The following SLC24A2 variants were observed in gnomAD, a reference collection of about 807,000 sequenced individuals.
SLC24A2 encodes the protein solute carrier family 24 member 2, also known as sodium/potassium/calcium exchanger 2.
In SLC24A2, 36 loss-of-function variants were observed where a neutral mutation model predicts 62.0. That is an observed-to-expected ratio of 0.58 (90% CI 0.44 to 0.77). The LOEUF (loss-of-function observed/expected upper bound fraction) is 0.77. SLC24A2 is among the 30% of genes least tolerant of loss of function. The probability of loss-of-function intolerance (pLI) is 0.00; values close to 1 mark genes in which losing one functional copy is unlikely to be tolerated. For synonymous variants in SLC24A2, 358 were observed against 294.0 expected (o/e 1.22, Z -2.23); for missense variants, 846 against 817.9 (o/e 1.03, Z -0.42).
chr9:19,961,434 A>T, the SLC24A2 span, among the ~76,000 whole-genome samples: 1 of 152,082 alleles, frequency 6.6e-6, no homozygotes, highest in East Asian at 1.9e-4. Flanking sequence ...TTTCTTTCCA[A>T]TAAGTAGACT....
intron 2 of SLC24A2, among the ~76,000 whole-genome samples, chr9:19,695,701 A>C (rs1820171416): frequency 6.8e-6 from 1 of 147,000 alleles, no homozygotes. Flanking sequence ...AAAAAAAAAA[A>C]AACCTAGAAA....
chr9:19,520,674 G>A (rs1833153517), intron 10 of SLC24A2, among the ~76,000 whole-genome samples: 1 of 151,862 alleles, frequency 6.6e-6, no homozygotes, highest in Non-Finnish European at 1.5e-5. Context: ...GTAGGTATGT[G>A]CTTCTGCTTG....
the SLC24A2 span, among the ~76,000 whole-genome samples, chr9:19,912,581 C>T: frequency 6.6e-6 from 1 of 152,148 alleles, no homozygotes; most frequent in East Asian, 1.9e-4. Context: ...GGGACCCTCA[C>T]TTGGTCACAC....
the SLC24A2 span, among the ~76,000 whole-genome samples, chr9:20,007,294 G>A: frequency 6.6e-6 from 1 of 152,290 alleles, no homozygotes; most frequent in Admixed American, 6.5e-5. Context: ...GTGATCTCTT[G>A]GAAGTGGCTG....
intron 5 of SLC24A2, among the ~76,000 whole-genome samples, chr9:19,585,571 C>T (rs749287728): frequency 6.6e-6 from 1 of 152,180 alleles, no homozygotes; most frequent in African/African-American, 2.4e-5. Context: ...TTGCTCCTAG[C>T]CTTTCTTAGT....
At chr9:19,684,310 C>T (rs1819812361) in intron 2 of SLC24A2, among the ~76,000 whole-genome samples, 1 of 152,088 alleles carries the variant, frequency 6.6e-6, no homozygotes, top group South Asian at 2.1e-4. Flanking sequence ...AGGACATCCT[C>T]TTTCCTCTTC....
rs541756474 is a variant in SLC24A2, at chr9:19,732,625, T to C, written c.930+53312A>G. 3.9e-5 allele frequency among the ~76,000 whole-genome samples: 6 copies of C among 152,304 alleles called. No individual in the cohort carries two copies. The East Asian group carries it at 5.8e-4, about 15-fold the overall frequency. On this transcript the variant is annotated intron_variant, in intron 2 of 10. Transcript: ENST00000341998. ...TGGCAATGTCAGTCATACATTAGTA[T>C]ATAATCCTAACGTCGCAATCTGAGA...
the SLC24A2 span, among the ~76,000 whole-genome samples, chr9:20,213,987 T>G: frequency 1.3e-5 from 2 of 152,240 alleles, no homozygotes; most frequent in Non-Finnish European, 2.9e-5. Flanking sequence ...CTGACTTATT[T>G]CGCTTGTCAT....
chr9:19,767,393 C>T (rs192653707), intron 2 of SLC24A2, among the ~76,000 whole-genome samples: 3 of 152,256 alleles, frequency 2.0e-5, no homozygotes, highest in Admixed American at 1.3e-4. Context: ...CCCAAATGGC[C>T]GTACAATTTT....
chr9:19,698,694 G>C (rs1820267238), intron 2 of SLC24A2, among the ~76,000 whole-genome samples: 1 of 152,164 alleles, frequency 6.6e-6, no homozygotes. Context: ...TTTAGCTATA[G>C]TACATCAGTA....
At chr9:20,258,757 CTCTCATTTATCTATCTA>C in the SLC24A2 span, among the ~76,000 whole-genome samples, 1 of 148,372 alleles carries the variant, frequency 6.7e-6, no homozygotes, top group Admixed American at 6.8e-5. Context: ...AATGAATCTC[CTCTCATTTATCTATCTA>C]TCTATCTATC....
chr9:19,555,353 G>A (rs1283593927), intron 7 of SLC24A2, among the ~76,000 whole-genome samples: 1 of 152,144 alleles, frequency 6.6e-6, no homozygotes, highest in Non-Finnish European at 1.5e-5. Flanking sequence ...AATACTATGA[G>A]TCATGTAATC....
chr9:19,984,403 G>C, the SLC24A2 span, among the ~76,000 whole-genome samples: 6 of 152,062 alleles, frequency 3.9e-5, no homozygotes, highest in Admixed American at 3.3e-4. Context: ...AATAGAATTG[G>C]AAAGTCCAAA....
chr9:19,519,233 T>C (rs1285790035), intron 10 of SLC24A2, among the ~76,000 whole-genome samples: 1 of 152,068 alleles, frequency 6.6e-6, no homozygotes, highest in African/African-American at 2.4e-5. Flanking sequence ...TCCAAGTAGA[T>C]AAAACTGAAT....
chr9:19,576,013 G>A (rs768078751), intron 6 of SLC24A2, among the ~76,000 whole-genome samples: 3 of 152,160 alleles, frequency 2.0e-5, no homozygotes, highest in Admixed American at 6.5e-5. Flanking sequence ...AGTAACTATT[G>A]TTAACATTTT....
the SLC24A2 span, among the ~76,000 whole-genome samples, chr9:20,299,738 T>C: frequency 6.6e-6 from 1 of 152,216 alleles, no homozygotes; most frequent in Non-Finnish European, 1.5e-5. Context: ...CTATGCTAAA[T>C]GCAATTCTAA....
the SLC24A2 span, among the ~76,000 whole-genome samples, chr9:20,277,278 T>C: frequency 2.6e-5 from 4 of 152,054 alleles, no homozygotes; most frequent in Admixed American, 2.6e-4. Context: ...CAAAAGAAAC[T>C]ACCATCAGAG....
the SLC24A2 span, among the ~76,000 whole-genome samples, chr9:20,281,573 C>T: frequency 6.6e-6 from 1 of 152,122 alleles, no homozygotes; most frequent in Non-Finnish European, 1.5e-5. Context: ...GGTAATCATA[C>T]AGTATATATT....
the SLC24A2 span, among the ~76,000 whole-genome samples, chr9:20,154,192 G>T: frequency 4.6e-5 from 7 of 151,796 alleles, no homozygotes; most frequent in Non-Finnish European, 7.4e-5. Context: ...CACCTATCTA[G>T]AAACTTCCAT....
Sources: allele counts gnomAD v4.1 joint callset (sites outside exome capture counted in the v4.1 genomes callset), GRCh38; gene constraint gnomAD v4.1.1; transcripts MANE v1.5; gene names NCBI Gene and HGNC (gene_info 2026-07-23, HGNC 2026-07-21).